TACR2: variants seen among roughly 807,000 people sequenced by gnomAD.
The protein encoded by TACR2 is substance-K receptor.
In TACR2, 24 loss-of-function variants were observed where a neutral mutation model predicts 28.9. The observed-to-expected ratio is 0.83, with a 90% CI of 0.60 to 1.17. The LOEUF (loss-of-function observed/expected upper bound fraction) is 1.17, where lower values mean the gene tolerates loss of function less well. Among genes scored for constraint, TACR2 ranks in the 50% most tolerant of loss-of-function variants. The probability of loss-of-function intolerance (pLI) is 0.00; values close to 1 mark genes in which losing one functional copy is unlikely to be tolerated. For synonymous variants in TACR2, 222 were observed against 212.6 expected (o/e 1.04, Z -0.38); for missense variants, 487 against 524.4 (o/e 0.93, Z 0.70).
chr10:69,415,699 G>A (rs1024243344), intron 1 of TACR2, among the ~76,000 whole-genome samples: 1 of 152,222 alleles, frequency 6.6e-6, no homozygotes, highest in Admixed American at 6.5e-5. Flanking sequence ...TGAACAACCT[G>A]TCTAGTGCAT....
At chr10:69,409,372 TAAG>T in intron 2 of TACR2, 1 of 258,684 alleles carries the variant, frequency 3.9e-6, no homozygotes, top group Non-Finnish European at 7.3e-6. Context: ...TGAAACAAAT[TAAG>T]AAATAATTTG....
rs201181030 is a variant in TACR2, at chr10:69,416,529, C to G, written c.-206G>C. On this transcript the variant is annotated 5_prime_UTR_variant, in exon 1 of 5. Coordinates refer to ENST00000373306, the MANE Select transcript of TACR2 (RefSeq NM_001057.3). Reference sequence around the variant, plus strand: ...GCTGAGCACAAAGCCCAGTCCAGAACCATTGTCATTTCAGATTCCATCCTT... The same window carrying G: ...GCTGAGCACAAAGCCCAGTCCAGAAGCATTGTCATTTCAGATTCCATCCTT... 9.3e-6 allele frequency: 5 copies of G among 537,046 alleles called. No homozygotes were observed. Among genetic ancestry groups the G allele is most frequent in the Non-Finnish European group, 1.6e-5 (5 of 319,516 alleles). 33.3% of individuals were successfully genotyped at this position (537,046 alleles called of 1,614,324 possible). A position where few individuals can be genotyped will look rare whatever the true frequency, so the allele number is the denominator to read the frequency against.
At chr10:69,409,181 G>A (rs1840538074) in intron 2 of TACR2, 106 bp from the exon 3 acceptor site, 4 of 1,252,774 alleles carry the variant, frequency 3.2e-6, no homozygotes, top group Non-Finnish European at 4.2e-6. Flanking sequence ...CCGCCCCTGC[G>A]GGCCCACCCT....
chr10:69,415,802 G>A lies in TACR2; in HGVS notation c.392+130C>T, dbSNP rs1207926863. The A allele has an allele frequency of 3.5e-5, 39 of 1,109,448 alleles. No individual in the cohort carries two copies. In the Admixed American group the frequency reaches 8.8e-4, roughly 25 times the overall value. The allele number at this position is 1,109,448 out of a possible 1,614,324, so 68.7% of individuals were successfully genotyped here. A position where few individuals can be genotyped will look rare whatever the true frequency, so the allele number is the denominator to read the frequency against. On this transcript the variant is annotated intron_variant, in intron 1 of 4. Transcript: ENST00000373306. ...TTCCAGATTCATAGTTTTGGACCAT[G>A]ACCAGATTTGGGAAGCCATTCCCAT...
rs1159153806 is a variant in TACR2 at position 69,404,097 on chromosome 10, T to C, written c.*729A>G. ...AACTGAGGGTGGAAGTCAGTTGCCT[T>C]TTATCATCACATTTGCAGTTTTTCT... On this transcript the variant is annotated 3_prime_UTR_variant, in exon 5 of 5. Coordinates refer to ENST00000373306, the MANE Select transcript of TACR2 (RefSeq NM_001057.3). The C allele has an allele frequency of 6.6e-6, 1 of 152,228 alleles. No homozygotes were observed. Among genetic ancestry groups the C allele is most frequent in the African/African-American group, 2.4e-5 (1 of 41,448 alleles). The allele number at this position is 152,228 out of a possible 1,614,324, so 9.4% of individuals were successfully genotyped here. A position where few individuals can be genotyped will look rare whatever the true frequency, so the allele number is the denominator to read the frequency against.
chr10:69,414,450 A>G (rs1043657328), intron 2 of TACR2, among the ~76,000 whole-genome samples: 11 of 152,374 alleles, frequency 7.2e-5, no homozygotes, highest in South Asian at 4.1e-4. Flanking sequence ...CGTGACATGT[A>G]CAGTCACATA....
At position 69,416,226 on chromosome 10, in the gene TACR2, A is replaced by C. The variant is rs1273887065; in HGVS notation, c.98T>G (p.Leu33Arg). 6.2e-7 allele frequency: 1 copy of C among 1,614,024 alleles called. No individual in the cohort carries two copies. The highest frequency in any genetic ancestry group is 1.7e-5 in the Admixed American group (1 of 60,032). ...ITAFSMPSWQ[L>R]ALWATAYLAL... ...CAGGTAGGCTGTGGCCCACAGTGCCAGTTGCCAGCTGGGCATGGAGAAGGC... is the reference window on the plus strand; with the variant it reads ...CAGGTAGGCTGTGGCCCACAGTGCCCGTTGCCAGCTGGGCATGGAGAAGGC... The change falls in exon 1 of 5, where the codon CTG becomes CGG. Residue 33 changes from leucine (L) to arginine (R), a missense_variant. Leu to Arg is a moderately radical substitution (Grantham distance 102). Transcript: ENST00000373306.
chr10:69,411,608 G>A (rs1297475832), intron 2 of TACR2, among the ~76,000 whole-genome samples: 4 of 152,076 alleles, frequency 2.6e-5, no homozygotes, highest in Non-Finnish European at 5.9e-5. Flanking sequence ...GAGATGTTTT[G>A]CAGAGCCTGC....
In TACR2 at chr10:69,408,858, GC is replaced by G; in HGVS notation, c.741+63del. On this transcript the variant is annotated intron_variant, in intron 3 of 4. Coordinates refer to ENST00000373306, the MANE Select transcript of TACR2 (RefSeq NM_001057.3). ...TCCGGCCCCGCCCCCATGAGGCCTC[GC>G]CCCCGCCAGCCCCCCGCCCCCTCCA... The G allele has an allele frequency of 3.1e-5, 8 of 254,010 alleles. 3 individuals carry two copies. The highest frequency in any genetic ancestry group is 1.1e-4 in the South Asian group (1 of 9,288). 15.7% of individuals were successfully genotyped at this position (254,010 alleles called of 1,614,324 possible).
intron 1 of TACR2, 133 bp from the exon 2 acceptor site, chr10:69,415,272 A>T: frequency 9.7e-7 from 1 of 1,033,788 alleles, no homozygotes; most frequent in Non-Finnish European, 1.4e-6. Context: ...TGCTGATATC[A>T]TAGTATCAGC....
At chr10:69,413,940 A>G (rs1589604333) in intron 2 of TACR2, among the ~76,000 whole-genome samples, 1 of 152,306 alleles carries the variant, frequency 6.6e-6, no homozygotes, top group Middle Eastern at 3.4e-3. Flanking sequence ...ACTATTATGA[A>G]TCCTCATTTT....
Position 69,415,173 on chromosome 10 carries a change from C to T in TACR2, c.393-34G>A, listed in dbSNP as rs749481857. The stretch of plus-strand genomic sequence containing the variant: ...AGAGGGCAGCTTGAGCGGCAGGGGC[C>T]CTCCTGTTAGCCCAGCTCCCTTTCC... On this transcript the variant is annotated intron_variant, in intron 1 of 4. Transcript: ENST00000373306. 5.7e-6 allele frequency: 9 copies of T among 1,588,782 alleles called. No individual in the cohort carries two copies. The East Asian group carries it at 2.0e-4, about 36-fold the overall frequency.
At chr10:69,413,467 C>T (rs1390792651) in intron 2 of TACR2, among the ~76,000 whole-genome samples, 1 of 152,204 alleles carries the variant, frequency 6.6e-6, no homozygotes, top group Non-Finnish European at 1.5e-5. Flanking sequence ...ATATGTTCTG[C>T]TCTCCACCCT....
In TACR2 at chr10:69,416,478, C is replaced by T; in HGVS notation, c.-155G>A. On this transcript the variant is annotated 5_prime_UTR_variant, in exon 1 of 5. Transcript: ENST00000373306. ...ACATCAGGAGAGCCTGGGGCCACTC[C>T]TAGGTCTCAGGCAAAGATGAGCTGG... 9.8e-7 allele frequency: 1 copy of T among 1,022,446 alleles called. No homozygotes were observed. The highest frequency in any genetic ancestry group is 2.6e-5 in the East Asian group (1 of 38,640). 63.3% of individuals were successfully genotyped at this position (1,022,446 alleles called of 1,614,324 possible).
intron 2 of TACR2, among the ~76,000 whole-genome samples, chr10:69,410,572 A>G (rs1264100717): frequency 6.7e-6 from 1 of 150,266 alleles, no homozygotes; most frequent in Non-Finnish European, 1.5e-5. Context: ...TCTCTGGTTT[A>G]TGAGTGACGC....
At chr10:69,414,330 G>A (rs1255367837) in intron 2 of TACR2, among the ~76,000 whole-genome samples, 1 of 152,168 alleles carries the variant, frequency 6.6e-6, no homozygotes, top group African/African-American at 2.4e-5. Flanking sequence ...GTCTCCCCCA[G>A]ACACACGCCT....
At position 69,405,014 on chromosome 10, in the gene TACR2, C is replaced by T. The variant is rs759079835; in HGVS notation, c.1009G>A (p.Glu337Lys). 10 of 1,614,000 alleles carry T rather than the reference C, an allele frequency of 6.2e-6. No homozygotes were observed. Among genetic ancestry groups the T allele is most frequent in the East Asian group, 2.2e-5 (1 of 44,888 alleles). Reference sequence around the variant, plus strand: ...GAGAGGGAGGTCGTGGGAGTCAGCTCGAGCTTATCTTCCTTGGTGGGTGTG... The same window carrying T: ...GAGAGGGAGGTCGTGGGAGTCAGCTTGAGCTTATCTTCCTTGGTGGGTGTG... ...WVTPTKEDKL[E>K]LTPTTSLSTR... is the part of the protein sequence containing the mutation. Residue 337 changes from glutamate (E) to lysine (K), a missense_variant, in exon 5 of 5, where the codon GAG (glutamate) becomes AAG (lysine). Coordinates refer to ENST00000373306, the MANE Select transcript of TACR2 (RefSeq NM_001057.3).
rs1363481692 is a variant in TACR2 at position 69,416,054 on chromosome 10, G to T, written c.270C>A (p.Asn90Lys). The stretch of plus-strand genomic sequence containing the variant: ...AGATGTTGTGGCTGGCATAGACAAA[G>T]TTGAAGGCGGCATTGAAGGCAGCCA... ...LCMAAFNAAF[N>K]FVYASHNIWY... Residue 90 changes from asparagine to lysine, a missense_variant, in exon 1 of 5, where the codon AAC becomes AAA. Physicochemically the swap from Asn to Lys is moderately conservative, Grantham distance 94 (BLOSUM62 0). Coordinates refer to ENST00000373306, the MANE Select transcript of TACR2 (RefSeq NM_001057.3). 6.2e-7 allele frequency: 1 copy of T among 1,614,246 alleles called. No individual in the cohort carries two copies. The highest frequency in any genetic ancestry group is 1.7e-5 in the Admixed American group (1 of 60,026).
At chr10:69,405,130 G>C (rs765578097) in intron 4 of TACR2, 46 bp from the exon 5 acceptor site, 1 of 1,530,908 alleles carries the variant, frequency 6.5e-7, no homozygotes, top group East Asian at 2.3e-5. Flanking sequence ...AGGGGCTCAG[G>C]AGCTGTGATG....
Sources: gnomAD v4.1 joint callset for allele counts (sites outside exome capture counted in the v4.1 genomes callset) on GRCh38, gnomAD v4.1.1 for gene constraint, MANE v1.5 for transcripts, NCBI Gene and HGNC (gene_info 2026-07-23, HGNC 2026-07-21) for gene names.